Variants in SULT2B1 observed in about 807,000 individuals in gnomAD.
SULT2B1 encodes sulfotransferase family 2B member 1.
A neutral mutation model predicts 33.2 loss-of-function variants in SULT2B1; 16 were observed. The observed-to-expected ratio is 0.48, with a 90% CI of 0.33 to 0.73. The LOEUF is 0.73. SULT2B1 is among the 30% of genes least tolerant of loss of function. SULT2B1 has a pLI of 0.02. For synonymous variants in SULT2B1, 186 were observed against 200.5 expected (o/e 0.93, Z 0.61); for missense variants, 500 against 506.0 (o/e 0.99, Z 0.11).
intron 1 of SULT2B1, among the ~76,000 whole-genome samples, chr19:48,555,042 C>T (rs967567414): frequency 2.6e-5 from 4 of 152,172 alleles, no homozygotes; most frequent in Admixed American, 2.6e-4. Context: ...GAGGTTCTAG[C>T]CTCCGAGTAG....
chr19:48,579,528 C>T (rs1433641933), intron 2 of SULT2B1, among the ~76,000 whole-genome samples: 2 of 151,700 alleles, frequency 1.3e-5, no homozygotes, highest in Non-Finnish European at 2.9e-5. Context: ...ATGATCCACC[C>T]GTCTTGGCCT....
At chr19:48,593,389 T>C (rs1405366889) in intron 5 of SULT2B1, among the ~76,000 whole-genome samples, 2 of 151,770 alleles carry the variant, frequency 1.3e-5, no homozygotes, top group Non-Finnish European at 2.9e-5. Flanking sequence ...CCATCTCTAC[T>C]AAAAATACAA....
chr19:48,595,223 G>A (rs533368941), intron 5 of SULT2B1, among the ~76,000 whole-genome samples: 9 of 151,968 alleles, frequency 5.9e-5, no homozygotes, highest in Non-Finnish European at 7.4e-5. Flanking sequence ...CAGAGGTTGC[G>A]GTGAGACGAG....
intron 1 of SULT2B1, among the ~76,000 whole-genome samples, chr19:48,558,246 CTG>C (rs2147596632): frequency 6.6e-6 from 1 of 152,320 alleles, no homozygotes; most frequent in African/African-American, 2.4e-5. Flanking sequence ...GGAAGCCTGA[CTG>C]TATCACGCCC....
chr19:48,576,192 G>A, intron 2 of SULT2B1, 109 bp downstream of exon 2: 1 of 1,057,168 alleles, frequency 9.5e-7, no homozygotes, highest in Admixed American at 2.0e-5. Context: ...GTGGGGCCGG[G>A]TCTGTTCAGA....
chr19:48,590,360 G>A (rs968365221), intron 3 of SULT2B1, among the ~76,000 whole-genome samples: 1 of 152,068 alleles, frequency 6.6e-6, no homozygotes, highest in Non-Finnish European at 1.5e-5. Flanking sequence ...CCAGCACTTG[G>A]GGAGGCCGAA....
chr19:48,575,138 T>G (rs1186016102), intron 1 of SULT2B1, among the ~76,000 whole-genome samples: 2 of 125,112 alleles, frequency 1.6e-5, no homozygotes, highest in Non-Finnish European at 3.2e-5. Flanking sequence ...AGACAGAGTC[T>G]CGCTCTGTCC....
intron 1 of SULT2B1, among the ~76,000 whole-genome samples, chr19:48,557,754 T>C (rs1973119675): frequency 6.6e-6 from 1 of 150,770 alleles, no homozygotes; most frequent in South Asian, 2.1e-4. Flanking sequence ...CCGTCTCTAC[T>C]AAAAATAGAA....
In SULT2B1 at chr19:48,599,015, T is replaced by G; in HGVS notation, c.827-120T>G. 1 of 1,465,268 alleles carries G rather than the reference T, an allele frequency of 6.8e-7. No homozygotes were observed. Among genetic ancestry groups the G allele is most frequent in the Non-Finnish European group, 9.0e-7 (1 of 1,110,582 alleles). The allele number at this position is 1,465,268 out of a possible 1,614,324, so 90.8% of individuals were successfully genotyped here. A position where few individuals can be genotyped will look rare whatever the true frequency, so the allele number is the denominator to read the frequency against. On this transcript the variant is annotated intron_variant, in intron 6 of 6. Transcript: ENST00000201586. The surrounding 1 kb of genome is among the most constrained non-coding windows in gnomAD (Gnocchi z 4.1). The stretch of plus-strand genomic sequence containing the variant: ...TGTGGAGGGTAGGGAGGACGGTGTT[T>G]CTGGCAAAGGGAACACCTCGCCAAA...
At chr19:48,587,579 G>A (rs1318829022) in intron 3 of SULT2B1, 142 bp downstream of exon 3, 1 of 933,642 alleles carries the variant, frequency 1.1e-6, no homozygotes. Flanking sequence ...TAGCACAGTG[G>A]TCAATATACA....
At chr19:48,593,618 T>C (rs988919685) in intron 5 of SULT2B1, among the ~76,000 whole-genome samples, 19 of 151,952 alleles carry the variant, frequency 1.3e-4, no homozygotes, top group African/African-American at 4.3e-4. Context: ...TTATTTATTT[T>C]TATTTATTTT....
chr19:48,575,990 G>T lies in SULT2B1; in HGVS notation c.121G>T (p.Val41Phe). ...YFRYKGVPFP[V>F]GLYSLESISL... is the part of the protein sequence containing the mutation. ...CCGGTACAAGGGCGTCCCCTTCCCC[G>T]TCGGCCTGTACTCGCTCGAGAGCAT... is the stretch of plus-strand genomic sequence containing the variant. Residue 41 changes from valine (V) to phenylalanine (F), a missense_variant, in exon 2 of 7, where the codon GTC (valine) becomes TTC (phenylalanine). Val to Phe is a conservative substitution (Grantham distance 50). Transcript: ENST00000201586. 1 of 1,613,792 alleles carries T rather than the reference G, an allele frequency of 6.2e-7. No individual in the cohort carries two copies. The highest frequency in any genetic ancestry group is 8.5e-7 in the Non-Finnish European group (1 of 1,179,884).
At chr19:48,592,614 G>A (rs2302949) in intron 4 of SULT2B1, 108 bp from the exon 5 acceptor site, 69,856 of 923,806 alleles carry the variant, frequency 0.076, 3,834 homozygotes, top group East Asian at 0.21. Flanking sequence ...AGCTCTGGGG[G>A]CTGGACCTGG....
intron 1 of SULT2B1, among the ~76,000 whole-genome samples, chr19:48,570,011 G>C (rs1423639100): frequency 6.6e-6 from 1 of 152,048 alleles, no homozygotes; most frequent in Non-Finnish European, 1.5e-5. Context: ...GTGGAACACA[G>C]TCTCAGATTT....
intron 1 of SULT2B1, among the ~76,000 whole-genome samples, chr19:48,561,434 T>TAAATAAATAAATAGATAGATA (rs1973177524): frequency 1.4e-5 from 2 of 147,984 alleles, no homozygotes; most frequent in African/African-American, 4.9e-5. Context: ...TGTCTCAAAA[T>TAAATAAATAAATAGATAGATA]AAATAAATAA....
intron 2 of SULT2B1, among the ~76,000 whole-genome samples, chr19:48,584,241 C>T (rs1973534113): frequency 6.6e-6 from 1 of 152,190 alleles, no homozygotes; most frequent in Non-Finnish European, 1.5e-5. Context: ...CGGCTCCCCA[C>T]ACAAGATTAG....
chr19:48,594,989 T>C (rs1184775887), intron 5 of SULT2B1, among the ~76,000 whole-genome samples: 1 of 150,736 alleles, frequency 6.6e-6, no homozygotes, highest in East Asian at 1.9e-4. Context: ...ACCACTGCAC[T>C]CCAGCCTGGG....
intron 1 of SULT2B1, among the ~76,000 whole-genome samples, chr19:48,559,065 G>C (rs1973141509): frequency 1.3e-5 from 2 of 152,234 alleles, no homozygotes; most frequent in South Asian, 2.1e-4. Context: ...TCCCCGCTGG[G>C]TGAGATTTGG....
chr19:48,571,587 C>T (rs1238337967), intron 1 of SULT2B1, among the ~76,000 whole-genome samples: 1 of 151,772 alleles, frequency 6.6e-6, no homozygotes, highest in Non-Finnish European at 1.5e-5. Flanking sequence ...TGCTGCCAGG[C>T]TCTGCTGAGA....
Sources: allele counts gnomAD v4.1 joint callset (sites outside exome capture counted in the v4.1 genomes callset), GRCh38; gene constraint gnomAD v4.1.1; non-coding constraint Gnocchi (gnomAD v3.1); transcripts MANE v1.5; gene names NCBI Gene and HGNC (gene_info 2026-07-23, HGNC 2026-07-21).